CCDC69: variants seen among roughly 807,000 people sequenced by gnomAD.
CCDC69 encodes coiled-coil domain containing 69, also known as coiled-coil domain-containing protein 69.
Under a neutral mutation model 40.3 loss-of-function variants are expected in CCDC69, and 38 were observed. The observed-to-expected ratio is 0.94, with a 90% CI of 0.73 to 1.24. The LOEUF (loss-of-function observed/expected upper bound fraction) is 1.24, where lower values mean the gene tolerates loss of function less well. Among genes scored for constraint, CCDC69 ranks in the 50% most tolerant of loss-of-function variants. The pLI, the probability that CCDC69 is intolerant of heterozygous loss-of-function variation, is 0.00. For synonymous variants in CCDC69, 141 were observed against 138.9 expected (o/e 1.02, Z -0.11); for missense variants, 389 against 357.9 (o/e 1.09, Z -0.70).
In CCDC69 at chr5:151,187,367, A is replaced by G. The variant is rs779917411; in HGVS notation, c.393+19T>C. On this transcript the variant is annotated intron_variant, in intron 5 of 8. Coordinates refer to ENST00000355417, the MANE Select transcript of CCDC69 (RefSeq NM_015621.3). ...TCACTTACCCTTATCCAAGACTGAC[A>G]CGACCCAGCCCCTCTCACCTGCTGG... is the stretch of plus-strand genomic sequence containing the variant. 1 of 1,611,156 alleles carries G rather than the reference A, an allele frequency of 6.2e-7. No individual in the cohort carries two copies. Among genetic ancestry groups the G allele is most frequent in the African/African-American group, 1.3e-5 (1 of 74,952 alleles).
At position 151,219,484 on chromosome 5, in the gene CCDC69, C is replaced by T. The variant is rs185754802; in HGVS notation, c.48+4439G>A. 1.5e-3 allele frequency among the ~76,000 whole-genome samples: 224 copies of T among 152,206 alleles called. 1 individual carries two copies. The highest frequency in any genetic ancestry group is 4.6e-3 in the African/African-American group (192 of 41,512). On this transcript the variant is annotated intron_variant, in intron 1 of 8. Transcript: ENST00000355417. ...ACTGCAAAGAACCACGCGTCCAAAC[C>T]GGTTAAATAAGCCACGGAACAGCCA...
Position 151,224,059 on chromosome 5 carries a change from C to A in CCDC69, c.-89G>T, listed in dbSNP as rs61738620. The A allele has an allele frequency of 2.2e-3, 2,702 of 1,228,524 alleles. 42 individuals are homozygous for A. In the African/African-American group the frequency reaches 0.036, roughly 17 times the overall value. The allele number at this position is 1,228,524 out of a possible 1,614,324, so 76.1% of individuals were successfully genotyped here. A position where few individuals can be genotyped will look rare whatever the true frequency, so the allele number is the denominator to read the frequency against. On this transcript the variant is annotated 5_prime_UTR_variant, in exon 1 of 9. Transcript: ENST00000355417. ...CGGGCCCCGCTGCCCGCTCCGCGCC[C>A]GCCGGCTGGGGCTGCCGGCGAGACC...
intron 4 of CCDC69, among the ~76,000 whole-genome samples, chr5:151,189,982 C>T (rs1260550855): frequency 6.6e-6 from 1 of 152,182 alleles, no homozygotes; most frequent in Non-Finnish European, 1.5e-5. Context: ...CCCAGAATCC[C>T]ATATGCAGTG....
chr5:151,210,168 C>T (rs1752910538), intron 1 of CCDC69, among the ~76,000 whole-genome samples: 1 of 152,186 alleles, frequency 6.6e-6, no homozygotes, highest in African/African-American at 2.4e-5. Flanking sequence ...CAGAACATCC[C>T]TATGGATGAA....
At chr5:151,207,846 T>C (rs1752874402) in intron 1 of CCDC69, among the ~76,000 whole-genome samples, 1 of 151,714 alleles carries the variant, frequency 6.6e-6, no homozygotes, top group Non-Finnish European at 1.5e-5. Context: ...GCTTTTCTCT[T>C]CTCTTACAAA....
At chr5:151,212,996 A>G (rs1305601580) in intron 1 of CCDC69, 6 of 417,526 alleles carry the variant, frequency 1.4e-5, no homozygotes, top group Non-Finnish European at 2.9e-5. Flanking sequence ...TGTAGATTGG[A>G]CTGGTGATCT....
intron 8 of CCDC69, 62 bp from the exon 9 acceptor site, chr5:151,183,676 A>G: frequency 6.8e-7 from 1 of 1,467,550 alleles, no homozygotes; most frequent in Non-Finnish European, 9.2e-7. Flanking sequence ...AGACCAACCC[A>G]TTCCCCCAGG....
In CCDC69 at chr5:151,183,417, G is replaced by T. The variant is rs954954619; in HGVS notation, c.*20C>A. ...AGGAGCTGTGACTTCAGGCGTCGTGGTGGGCCCAGGCCCTGCACCCTATGT... is the reference window on the plus strand; with the variant it reads ...AGGAGCTGTGACTTCAGGCGTCGTGTTGGGCCCAGGCCCTGCACCCTATGT... On this transcript the variant is annotated 3_prime_UTR_variant, in exon 9 of 9. Coordinates refer to ENST00000355417, the MANE Select transcript of CCDC69 (RefSeq NM_015621.3). 6.3e-7 allele frequency: 1 copy of T among 1,592,094 alleles called. No homozygotes were observed.
At position 151,201,649 on chromosome 5, in the gene CCDC69, C is replaced by T. The variant is rs140977954; in HGVS notation, c.164G>A (p.Arg55Gln). Residue 55 changes from arginine (R) to glutamine (Q), a missense_variant, in exon 3 of 9, where the codon CGG (arginine) becomes CAG (glutamine). Transcript: ENST00000355417. Reference sequence around the variant, plus strand: ...AATTCTGGTTATATCCTTCTGGTGCCGCTCAGCCTCCTCTGATGCACAGAG... The same window carrying T: ...AATTCTGGTTATATCCTTCTGGTGCTGCTCAGCCTCCTCTGATGCACAGAG... ...VQLCASEEAERHQKDITRILQ... is the reference protein window; with the variant it reads ...VQLCASEEAEQHQKDITRILQ... 51 of 1,613,398 alleles carry T rather than the reference C, an allele frequency of 3.2e-5. No homozygotes were observed. Among genetic ancestry groups the T allele is most frequent in the African/African-American group, 6.7e-5 (5 of 74,848 alleles).
Position 151,184,454 on chromosome 5 carries a change from G to A in CCDC69, c.616-13C>T. 2 of 1,572,914 alleles carry A rather than the reference G, an allele frequency of 1.3e-6. No individual in the cohort carries two copies. The highest frequency in any genetic ancestry group is 2.2e-5 in the South Asian group (2 of 90,184). On this transcript the variant is annotated splice_polypyrimidine_tract_variant and intron_variant, in intron 7 of 8. Coordinates refer to ENST00000355417, the MANE Select transcript of CCDC69 (RefSeq NM_015621.3). ...GATTTTTCTCTTTCTATAACAATGAGAATGAGCTCAGAAAGCTGCCAAACT... is the reference window on the plus strand; with the variant it reads ...GATTTTTCTCTTTCTATAACAATGAAAATGAGCTCAGAAAGCTGCCAAACT...
Position 151,224,001 on chromosome 5 carries a change from C to G in CCDC69, c.-31G>C. 1 of 1,544,582 alleles carries G rather than the reference C, an allele frequency of 6.5e-7. No individual in the cohort carries two copies. The stretch of plus-strand genomic sequence containing the variant: ...TCCGGGGGCTCCCGGACGCCGCTTC[C>G]CAACTCCGGGGCCCCCAGAGGAGCC... On this transcript the variant is annotated 5_prime_UTR_variant, in exon 1 of 9. Coordinates refer to ENST00000355417, the MANE Select transcript of CCDC69 (RefSeq NM_015621.3).
intron 4 of CCDC69, among the ~76,000 whole-genome samples, chr5:151,195,517 G>A (rs1419681065): frequency 8.6e-5 from 13 of 151,862 alleles, no homozygotes. Context: ...TCAGGAATTC[G>A]GGACCAGCCT....
intron 2 of CCDC69, 141 bp from the exon 3 acceptor site, chr5:151,201,829 C>T (rs891415679): frequency 1.9e-6 from 1 of 530,348 alleles, no homozygotes; most frequent in African/African-American, 2.0e-5. Context: ...TCGGGTGGGA[C>T]CAGTCTCCAG....
intron 1 of CCDC69, among the ~76,000 whole-genome samples, chr5:151,210,403 C>T (rs10056691): frequency 0.063 from 9,518 of 151,790 alleles, 292 homozygotes; most frequent in East Asian, 0.1. Context: ...ATTAGCCAGG[C>T]GGTAGTGGCA....
intron 4 of CCDC69, among the ~76,000 whole-genome samples, chr5:151,192,633 C>T (rs2113988047): frequency 6.6e-6 from 1 of 152,258 alleles, no homozygotes; most frequent in East Asian, 1.9e-4. Flanking sequence ...TAATCTCTCC[C>T]AGAAAGAGAA....
chr5:151,222,715 T>C (rs1753152124), intron 1 of CCDC69, among the ~76,000 whole-genome samples: 1 of 152,156 alleles, frequency 6.6e-6, no homozygotes, highest in African/African-American at 2.4e-5. Flanking sequence ...GCCAGCCCCT[T>C]CCTTCTACTG....
chr5:151,200,210 C>T (rs1752758124), intron 3 of CCDC69, among the ~76,000 whole-genome samples: 2 of 151,874 alleles, frequency 1.3e-5, no homozygotes, highest in African/African-American at 2.4e-5. Flanking sequence ...GAGATCTCAG[C>T]TCACTGCAAC....
chr5:151,196,840 A>T (rs992595989), intron 4 of CCDC69, among the ~76,000 whole-genome samples: 13 of 152,230 alleles, frequency 8.5e-5, no homozygotes, highest in African/African-American at 3.1e-4. Context: ...TAAGCACAGA[A>T]TGATCGTATG....
chr5:151,199,811 C>T (rs1298687671), intron 3 of CCDC69, among the ~76,000 whole-genome samples: 1 of 152,170 alleles, frequency 6.6e-6, no homozygotes, highest in Admixed American at 6.5e-5. Flanking sequence ...ATGACATTAC[C>T]ATGGTAACTC....
Sources: gnomAD v4.1 joint callset for allele counts (sites outside exome capture counted in the v4.1 genomes callset) on GRCh38, gnomAD v4.1.1 for gene constraint, MANE v1.5 for transcripts, NCBI Gene and HGNC (gene_info 2026-07-23, HGNC 2026-07-21) for gene names.